The following FRMPD4 variants were observed in gnomAD, a reference collection of about 807,000 sequenced individuals.
FRMPD4 encodes FERM and PDZ domain-containing protein 4.
In FRMPD4, 22 loss-of-function variants were observed where a neutral mutation model predicts 94.1. The ratio of observed to expected loss-of-function variants is 0.23; its 90% CI spans 0.17 to 0.33. The LOEUF (loss-of-function observed/expected upper bound fraction) is 0.33, where lower values mean the gene tolerates loss of function less well. Ranked by LOEUF, FRMPD4 falls within the 10% of genes least tolerant of loss-of-function variation. The pLI is 1.00. For synonymous variants in FRMPD4, 631 were observed against 548.6 expected, an observed-to-expected ratio of 1.15 and a Z score of -2.10; for missense variants, 1,111 against 1,339.9, an observed-to-expected ratio of 0.83 and a Z score of 2.67.
intron 4 of FRMPD4, among the ~76,000 whole-genome samples, chrX:12,663,820 C>T (rs973673854): frequency 5.3e-5 from 6 of 112,608 alleles, no homozygotes; most frequent in African/African-American, 1.9e-4. Context: ...GGCATTGACT[C>T]TTCCTATCCA....
At chrX:12,296,544 G>A (rs1205424280) in intron 1 of FRMPD4, among the ~76,000 whole-genome samples, 1 of 112,015 alleles carries the variant, frequency 8.9e-6, no homozygotes, top group East Asian at 2.8e-4. Flanking sequence ...AGTGGGGGTT[G>A]GGTAGATCAG....
intron 2 of FRMPD4, among the ~76,000 whole-genome samples, chrX:12,578,625 C>A (rs1054650060): frequency 9.0e-6 from 1 of 111,701 alleles, no homozygotes; most frequent in African/African-American, 3.3e-5. Context: ...TTTTTATTAT[C>A]TATACCACCA....
chrX:12,323,360 G>T (rs892566438), intron 1 of FRMPD4, among the ~76,000 whole-genome samples: 1 of 112,023 alleles, frequency 8.9e-6, no homozygotes, highest in African/African-American at 3.2e-5. Context: ...AGGCTTTTGG[G>T]CTCTTCATAG....
chrX:11,823,923 A>T (rs1490090863), intron 1 of FRMPD4, among the ~76,000 whole-genome samples: 1 of 111,879 alleles, frequency 8.9e-6, no homozygotes, highest in Non-Finnish European at 1.9e-5. Context: ...ACTTATGAAA[A>T]TAATGAAGTG....
intron 5 of FRMPD4, 152 bp from the exon 6 acceptor site, chrX:12,683,331 G>A: frequency 5.2e-6 from 2 of 388,188 alleles, no homozygotes; most frequent in South Asian, 4.7e-5. Context: ...TGTTTTGACT[G>A]CATCTATAAT....
Position 12,248,272 on chromosome X carries a change from C to T in FRMPD4, c.41+109260C>T, listed in dbSNP as rs757523378. On this transcript the variant is annotated intron_variant, in intron 1 of 16. Transcript: ENST00000675598. Reference sequence around the variant, plus strand: ...CAAAAACAAGACTCTTCTTCATACTCGACTTATAGGAGATGACAACATATT... The same window carrying T: ...CAAAAACAAGACTCTTCTTCATACTTGACTTATAGGAGATGACAACATATT... 8.9e-5 allele frequency among the ~76,000 whole-genome samples: 10 copies of T among 112,430 alleles called. No homozygotes were observed. In the South Asian group the frequency reaches 3.7e-3, roughly 42 times the overall value.
intron 1 of FRMPD4, among the ~76,000 whole-genome samples, chrX:11,836,384 G>T (rs2053501323): frequency 1.8e-5 from 2 of 111,619 alleles, no homozygotes; most frequent in African/African-American, 6.5e-5. Flanking sequence ...ATTGGAAAGA[G>T]ACTTATTTTA....
chrX:12,463,679 G>GTATTTT, intron 1 of FRMPD4, among the ~76,000 whole-genome samples: 1 of 33,331 alleles, frequency 3.0e-5, no homozygotes, highest in Non-Finnish European at 5.6e-5. Flanking sequence ...TCCTATGTGT[G>GTATTTT]TGTTTTTTTT....
At chrX:12,029,635 A>AT (rs1019618096) in intron 3 of FRMPD4, among the ~76,000 whole-genome samples, 3 of 111,332 alleles carry the variant, frequency 2.7e-5, no homozygotes, top group Non-Finnish European at 5.7e-5. Context: ...TTTCGAGTTA[A>AT]TTTTTTTGAA....
chrX:12,706,771 G>A, intron 11 of FRMPD4, 55 bp from the exon 12 acceptor site: 3 of 626,536 alleles, frequency 4.8e-6, no homozygotes, highest in Admixed American at 3.0e-5. Flanking sequence ...GTCTCCAGCT[G>A]AAATGGAGTC....
intron 3 of FRMPD4, among the ~76,000 whole-genome samples, chrX:12,126,573 C>T (rs2055502030): frequency 9.0e-6 from 1 of 111,251 alleles, no homozygotes; most frequent in Non-Finnish European, 1.9e-5. Flanking sequence ...AAAAGAGCCC[C>T]CCTGAGTGGT....
At chrX:12,352,232 A>G (rs1417606297) in intron 1 of FRMPD4, among the ~76,000 whole-genome samples, 1 of 112,436 alleles carries the variant, frequency 8.9e-6, no homozygotes, top group Non-Finnish European at 1.9e-5. Context: ...TATTATAAAC[A>G]TCTATAAACC....
At chrX:11,832,068 T>C (rs1191173516) in intron 1 of FRMPD4, among the ~76,000 whole-genome samples, 3 of 111,677 alleles carry the variant, frequency 2.7e-5, no homozygotes, top group Non-Finnish European at 5.7e-5. Context: ...CACCAGCACC[T>C]AAACTGAGCC....
intron 2 of FRMPD4, among the ~76,000 whole-genome samples, chrX:11,872,334 G>A (rs1404819080): frequency 8.9e-6 from 1 of 112,250 alleles, no homozygotes; most frequent in Admixed American, 9.4e-5. Context: ...CATTTAGATT[G>A]AGAGAAAGAG....
chrX:12,109,633 G>A (rs993936021), intron 3 of FRMPD4, among the ~76,000 whole-genome samples: 5 of 111,498 alleles, frequency 4.5e-5, no homozygotes, highest in Admixed American at 2.9e-4. Flanking sequence ...ATGAATCCAG[G>A]AGCTGGTTTT....
At chrX:11,823,615 G>A (rs1255654554) in intron 1 of FRMPD4, among the ~76,000 whole-genome samples, 1 of 111,586 alleles carries the variant, frequency 9.0e-6, no homozygotes, top group Non-Finnish European at 1.9e-5. Context: ...CCAGCCATAC[G>A]GTGTGTGTTG....
At chrX:11,925,885 G>A (rs1479293625) in intron 3 of FRMPD4, among the ~76,000 whole-genome samples, 3 of 110,173 alleles carry the variant, frequency 2.7e-5, no homozygotes, top group Non-Finnish European at 3.8e-5. Flanking sequence ...GCTAGCAGAC[G>A]ACAATCCGAG....
At chrX:12,321,670 CTG>C (rs1343036260) in intron 1 of FRMPD4, among the ~76,000 whole-genome samples, 6 of 111,785 alleles carry the variant, frequency 5.4e-5, no homozygotes, top group African/African-American at 1.6e-4. Flanking sequence ...CTAAGAGTGT[CTG>C]TACATTTATG....
chrX:12,096,540 T>C lies in FRMPD4; in HGVS notation c.95+218522T>C, dbSNP rs1285903838. ...GTCTTCAGGGATGTTGATAACAGCA[T>C]AGTCCTGTAGGAAGTGGCTGGAATT... On this transcript the variant is annotated intron_variant, in intron 3 of 18. Transcript: ENST00000640291. Among the ~76,000 whole-genome samples, 25 of 111,983 alleles carry C rather than the reference T, an allele frequency of 2.2e-4. No individual in the cohort carries two copies. The Admixed American group carries it at 2.3e-3, about 10-fold the overall frequency.
Sources: allele counts gnomAD v4.1 joint callset (sites outside exome capture counted in the v4.1 genomes callset), GRCh38; gene constraint gnomAD v4.1.1; transcripts MANE v1.5; gene names NCBI Gene and HGNC (gene_info 2026-07-23, HGNC 2026-07-21).